The following SSH1 variants were observed in gnomAD, a reference collection of about 807,000 sequenced individuals.
The protein encoded by SSH1 is protein phosphatase Slingshot homolog 1.
In SSH1, 43 loss-of-function variants were observed where a neutral mutation model predicts 79.7. The observed-to-expected ratio is 0.54, with a 90% CI of 0.42 to 0.70. SSH1 has a LOEUF of 0.70. Among genes scored for constraint, SSH1 ranks in the 30% least tolerant of loss-of-function variants. The pLI, the probability that SSH1 is intolerant of heterozygous loss-of-function variation, is 0.00. For missense variants in SSH1, 1,206 were observed against 1,358.8 expected (o/e 0.89, Z 1.77); for synonymous variants, 599 against 538.3 (o/e 1.11, Z -1.56).
chr12:108,788,719 T>A lies in SSH1; in HGVS notation c.2419A>T (p.Met807Leu). 1.2e-6 allele frequency: 2 copies of A among 1,614,244 alleles called. No individual in the cohort carries two copies. Among genetic ancestry groups the A allele is most frequent in the Non-Finnish European group, 1.7e-6 (2 of 1,180,048 alleles). The change falls in exon 15 of 15, where the codon ATG becomes TTG. Residue 807 changes from methionine (M) to leucine (L), a missense_variant. Met to Leu is a conservative substitution (Grantham distance 15, BLOSUM62 2). This residue lies in a region of SSH1 where 709 missense variants were observed against 730.6 expected (regional missense o/e 0.97). Transcript: ENST00000326495. ...TGAATGATGGACTCCTGGTGCTGCA[T>A]CAGGTAGCTGTTGGTTGTCGGCTTC... ...SEKPTTNSYL[M>L]QHQESIIQLQ...
Position 108,788,578 on chromosome 12 carries a change from T to C in SSH1, c.2560A>G (p.Ser854Gly), listed in dbSNP as rs2036366099. ...GGATCCTGGCTCTCCTCGGGGATGC[T>C]GGCCTCCAGCCTGCTGGCAGGGCCA... is the stretch of plus-strand genomic sequence containing the variant. ...RDGPASRLEA[S>G]IPEESQDPAA... The change falls in exon 15 of 15, where the codon AGC (serine) becomes GGC (glycine). Residue 854 changes from serine to glycine, a missense_variant. By Grantham distance (56) the Ser-to-Gly change is moderately conservative. Coordinates refer to ENST00000326495, the MANE Select transcript of SSH1 (RefSeq NM_018984.4). 3.1e-6 allele frequency: 5 copies of C among 1,600,632 alleles called. No individual in the cohort carries two copies. In the African/African-American group the frequency reaches 4.0e-5, roughly 13 times the overall value.
In SSH1 at chr12:108,806,340, G is replaced by A; in HGVS notation, c.786C>T (p.Ile262=). 1 of 1,614,184 alleles carries A rather than the reference G, an allele frequency of 6.2e-7. No individual in the cohort carries two copies. Residue 262 remains isoleucine (I), a synonymous_variant, in exon 9 of 15, where the codon ATC becomes ATT. Transcript: ENST00000326495. ...ERLIKAKLRS[I]MMSQDLENVT... ...CATTTTCTAGATCCTGGCTCATCATGATGCTTCGGAGCTTGGCTTTGATGA... is the reference window on the plus strand; with the variant it reads ...CATTTTCTAGATCCTGGCTCATCATAATGCTTCGGAGCTTGGCTTTGATGA...
intron 14 of SSH1, among the ~76,000 whole-genome samples, chr12:108,790,745 C>A (rs1316281579): frequency 1.3e-5 from 2 of 152,226 alleles, no homozygotes; most frequent in East Asian, 3.8e-4. Flanking sequence ...TAATAATAAA[C>A]TGGCTGTATA....
intron 4 of SSH1, 171 bp from the exon 5 acceptor site, chr12:108,817,330 T>C (rs2037935568): frequency 4.4e-6 from 4 of 901,932 alleles, no homozygotes; most frequent in Non-Finnish European, 6.8e-6. Context: ...TCCCAGCACT[T>C]TGGGAGGCCA....
At position 108,857,497 on chromosome 12, in the gene SSH1, G is replaced by T. The variant is rs1211730841; in HGVS notation, c.-1C>A. The T allele has an allele frequency of 1.8e-6, 2 of 1,135,898 alleles. No individual in the cohort carries two copies. The highest frequency in any genetic ancestry group is 1.7e-5 in the South Asian group (1 of 57,500). 70.4% of individuals were successfully genotyped at this position (1,135,898 alleles called of 1,614,324 possible). ...AGCGCTGCAGGGTCACCAGGGCCAT[G>T]GCTGCGGCGCGGTGCGAGGGCGCCA... On this transcript the variant is annotated 5_prime_UTR_variant, in exon 1 of 15. Transcript: ENST00000326495. The surrounding 1 kb of genome is among the most constrained non-coding windows in gnomAD (Gnocchi z 4.7).
chr12:108,845,555 T>G (rs1267083675), intron 2 of SSH1, among the ~76,000 whole-genome samples: 1 of 151,926 alleles, frequency 6.6e-6, no homozygotes, highest in Non-Finnish European at 1.5e-5. Context: ...GGTGTGGTGG[T>G]ATGCGCCTGT....
intron 13 of SSH1, among the ~76,000 whole-genome samples, chr12:108,795,925 T>G (rs1197647767): frequency 6.6e-6 from 1 of 152,138 alleles, no homozygotes; most frequent in African/African-American, 2.4e-5. Flanking sequence ...TATTTCTTTC[T>G]GAGAAAAGGT....
chr12:108,836,228 G>C lies in SSH1; in HGVS notation c.111-12867C>G, dbSNP rs769984899. On this transcript the variant is annotated intron_variant, in intron 2 of 14. Coordinates refer to ENST00000326495, the MANE Select transcript of SSH1 (RefSeq NM_018984.4). ...TTGAAGGTACCAGTCTGAACTCATAGTTTTCAACCTATTGAAATAAATATA... is the reference window on the plus strand; with the variant it reads ...TTGAAGGTACCAGTCTGAACTCATACTTTTCAACCTATTGAAATAAATATA... Among the ~76,000 whole-genome samples the C allele has an allele frequency of 2.0e-4, 30 of 151,996 alleles. 1 individual carries two copies. Among genetic ancestry groups the C allele is most frequent in the Non-Finnish European group, 1.8e-4 (12 of 68,000 alleles).
chr12:108,840,406 G>A (rs370457830), intron 2 of SSH1, among the ~76,000 whole-genome samples: 2 of 152,064 alleles, frequency 1.3e-5, no homozygotes, highest in African/African-American at 2.4e-5. Context: ...GGTGGTACAA[G>A]CCTATAGTCC....
At position 108,829,125 on chromosome 12, in the gene SSH1, C is replaced by T. The variant is rs190084284; in HGVS notation, c.111-5764G>A. 7.9e-5 allele frequency among the ~76,000 whole-genome samples: 12 copies of T among 152,100 alleles called. No individual in the cohort carries two copies. The East Asian group carries it at 9.7e-4, about 12-fold the overall frequency. ...GGTGGATCATTTGAGGTCAGGAGTT[C>T]GAGACTAGCATGGTCAACATGGCAA... On this transcript the variant is annotated intron_variant, in intron 2 of 14. Transcript: ENST00000326495.
chr12:108,855,803 G>A (rs1348907558), intron 1 of SSH1, among the ~76,000 whole-genome samples: 1 of 152,182 alleles, frequency 6.6e-6, no homozygotes, highest in Non-Finnish European at 1.5e-5. Flanking sequence ...TCTAATCAGC[G>A]TGTAGAGGGG....
rs528524706 is a variant in SSH1, at chr12:108,782,127, A to C, written c.*5861T>G. The C allele has an allele frequency of 9.4e-6, 1 of 106,496 alleles. No homozygotes were observed. Among genetic ancestry groups the C allele is most frequent in the Non-Finnish European group, 1.8e-5 (1 of 54,368 alleles). The allele number at this position is 106,496 out of a possible 1,614,324, so 6.6% of individuals were successfully genotyped here. On this transcript the variant is annotated 3_prime_UTR_variant, in exon 15 of 15. Coordinates refer to ENST00000326495, the MANE Select transcript of SSH1 (RefSeq NM_018984.4). ...CAGCCTGAGCAAGAGAGCCAGACCC[A>C]GTCTCAAAAAAAAAAAAAAAAAAAT... is the stretch of plus-strand genomic sequence containing the variant.
At position 108,789,040 on chromosome 12, in the gene SSH1, C is replaced by T; in HGVS notation, c.2098G>A (p.Val700Ile). ...PVAHLASRSR[V>I]PEKPASGPTE... is the part of the protein sequence containing the mutation. The stretch of plus-strand genomic sequence containing the variant: ...GGGCCAGAGGCTGGCTTCTCCGGAA[C>T]ACGGGACCTGCTGGCCAAGTGGGCC... Residue 700 changes from valine (V) to isoleucine (I), a missense_variant, in exon 15 of 15, where the codon GTT becomes ATT. This residue lies in a region of SSH1 where 709 missense variants were observed against 730.6 expected (regional missense o/e 0.97). Transcript: ENST00000326495. The T allele has an allele frequency of 6.2e-7, 1 of 1,609,202 alleles. No individual in the cohort carries two copies. The highest frequency in any genetic ancestry group is 1.3e-5 in the African/African-American group (1 of 74,816).
intron 5 of SSH1, among the ~76,000 whole-genome samples, chr12:108,815,989 C>T (rs2037869082): frequency 6.6e-6 from 1 of 152,214 alleles, no homozygotes; most frequent in Admixed American, 6.5e-5. Context: ...CACGGCCTCC[C>T]TGACTGGTTT....
chr12:108,801,031 C>T (rs971207860), intron 11 of SSH1, 105 bp from the exon 12 acceptor site: 1 of 1,180,380 alleles, frequency 8.5e-7, no homozygotes, highest in East Asian at 2.3e-5. Flanking sequence ...ACACATTAAC[C>T]AAGGGTCATA....
At chr12:108,856,739 C>G (rs1316055957) in intron 1 of SSH1, among the ~76,000 whole-genome samples, 1 of 152,184 alleles carries the variant, frequency 6.6e-6, no homozygotes, top group Non-Finnish European at 1.5e-5. Context: ...AGTCCCCGGA[C>G]GGCAGGTCAG....
chr12:108,800,245 G>A (rs1171337246), intron 12 of SSH1, among the ~76,000 whole-genome samples: 4 of 152,096 alleles, frequency 2.6e-5, no homozygotes, highest in Non-Finnish European at 5.9e-5. Context: ...AGGTGAAACC[G>A]CTGACGGGCT....
At position 108,789,244 on chromosome 12, in the gene SSH1, C is replaced by T. The variant is rs1167626582; in HGVS notation, c.1894G>A (p.Asp632Asn). The change falls in exon 15 of 15, where the codon GAT becomes AAT. Residue 632 changes from aspartate (D) to asparagine (N), a missense_variant and splice_region_variant. By Grantham distance (23) the Asp-to-Asn change is conservative (BLOSUM62 1). This residue lies in a region of SSH1 where 709 missense variants were observed against 730.6 expected (regional missense o/e 0.97). Coordinates refer to ENST00000326495, the MANE Select transcript of SSH1 (RefSeq NM_018984.4). ...SKRSCPNGME[D>N]DAIFGILNKV... ...TTAAGGATCCCAAATATAGCATCAT[C>T]CTGCAAGGAAGGGGACAAGAGCATG... The T allele has an allele frequency of 1.3e-6, 2 of 1,591,138 alleles. No individual in the cohort carries two copies. Among genetic ancestry groups the T allele is most frequent in the Non-Finnish European group, 1.7e-6 (2 of 1,168,134 alleles).
chr12:108,827,407 T>C (rs1054261109), intron 2 of SSH1: 4 of 1,475,162 alleles, frequency 2.7e-6, no homozygotes, highest in Non-Finnish European at 3.6e-6. Flanking sequence ...TCTGGCCATC[T>C]GCTCCCTATG....
Sources: gnomAD v4.1 joint callset for allele counts (sites outside exome capture counted in the v4.1 genomes callset) on GRCh38, gnomAD v4.1.1 for gene constraint, gnomAD v4.1.1 regional missense constraint, Gnocchi (gnomAD v3.1) non-coding constraint, MANE v1.5 for transcripts, NCBI Gene and HGNC (gene_info 2026-07-23, HGNC 2026-07-21) for gene names.